Variants in DCDC1 observed in about 807,000 individuals in gnomAD.
DCDC1 encodes the protein doublecortin domain containing 1.
DCDC1 carries 200 observed loss-of-function variants against 178.3 expected under a neutral mutation model. That is an observed-to-expected ratio of 1.12 (90% CI 1.00 to 1.26). The LOEUF (loss-of-function observed/expected upper bound fraction) is 1.26. DCDC1 is among the 50% of genes most tolerant of loss of function. The probability of loss-of-function intolerance (pLI) is 0.00; values close to 1 mark genes in which losing one functional copy is unlikely to be tolerated. For synonymous variants in DCDC1, 690 were observed against 604.8 expected, an observed-to-expected ratio of 1.14 and a Z score of -2.07; for missense variants, 1,983 against 1,749.2, an observed-to-expected ratio of 1.13 and a Z score of -2.38.
chr11:30,884,440 A>G (rs978646124), intron 36 of DCDC1, among the ~76,000 whole-genome samples: 1 of 152,182 alleles, frequency 6.6e-6, no homozygotes, highest in African/African-American at 2.4e-5. Flanking sequence ...AGAATAAGAG[A>G]AACAGTTCCT....
intron 9 of DCDC1, among the ~76,000 whole-genome samples, chr11:31,235,619 A>G (rs1466571913): frequency 6.6e-6 from 1 of 152,022 alleles, no homozygotes; most frequent in Non-Finnish European, 1.5e-5. Context: ...ATTAATCAAG[A>G]AAAGTAAGGT....
At chr11:30,944,662 T>C (rs1947887170) in intron 21 of DCDC1, among the ~76,000 whole-genome samples, 1 of 152,152 alleles carries the variant, frequency 6.6e-6, no homozygotes, top group Non-Finnish European at 1.5e-5. Context: ...TAAATTTGAG[T>C]TTCCCTGCTT....
chr11:30,871,799 A>ATT (rs1941593900), intron 38 of DCDC1, among the ~76,000 whole-genome samples: 1 of 151,924 alleles, frequency 6.6e-6, no homozygotes, highest in South Asian at 2.1e-4. Flanking sequence ...TAACATTTCC[A>ATT]TTATTTCTAA....
intron 9 of DCDC1, among the ~76,000 whole-genome samples, chr11:31,189,270 C>T (rs540607764): frequency 6.6e-6 from 1 of 152,206 alleles, no homozygotes; most frequent in South Asian, 2.1e-4. Flanking sequence ...TCCAAAGGCA[C>T]ACGAAATCTA....
At chr11:31,175,646 C>T (rs951099329) in intron 9 of DCDC1, among the ~76,000 whole-genome samples, 1 of 152,218 alleles carries the variant, frequency 6.6e-6, no homozygotes, top group African/African-American at 2.4e-5. Flanking sequence ...CCATCACTTC[C>T]CCAGAGAGCC....
At chr11:30,948,620 G>A (rs1029144497) in intron 21 of DCDC1, among the ~76,000 whole-genome samples, 1 of 152,322 alleles carries the variant, frequency 6.6e-6, no homozygotes, top group East Asian at 1.9e-4. Context: ...CAAGGTTACA[G>A]TAACCAAAAC....
Position 31,077,857 on chromosome 11 carries a change from G to C in DCDC1, c.2298+8C>G. 1.3e-6 allele frequency: 1 copy of C among 766,026 alleles called. No homozygotes were observed. Among genetic ancestry groups the C allele is most frequent in the South Asian group, 1.3e-5 (1 of 74,580 alleles). 47.5% of individuals were successfully genotyped at this position (766,026 alleles called of 1,614,324 possible). On this transcript the variant is annotated splice_region_variant and intron_variant, in intron 18 of 38. Transcript: ENST00000684477. ...AGGCATAAAAGCTGTGGATTATAAA[G>C]TCCTTACCTTTGAATAAATGCAACC...
At chr11:30,962,487 G>A (rs376166988) in intron 20 of DCDC1, among the ~76,000 whole-genome samples, 1 of 151,856 alleles carries the variant, frequency 6.6e-6, no homozygotes, top group East Asian at 1.9e-4. Context: ...CAATAACACT[G>A]AAAAGAATAT....
chr11:31,105,962 A>T (rs763534244), intron 13 of DCDC1, among the ~76,000 whole-genome samples: 1 of 152,204 alleles, frequency 6.6e-6, no homozygotes, highest in South Asian at 2.1e-4. Context: ...AAGCTAAAAA[A>T]ATTAAAAATA....
At position 31,226,788 on chromosome 11, in the gene DCDC1, C is replaced by A. The variant is rs2616819; in HGVS notation, c.1221+14662G>T. On this transcript the variant is annotated intron_variant, in intron 9 of 38. Coordinates refer to ENST00000684477, the MANE Select transcript of DCDC1 (RefSeq NM_001387274.1). ...GCAAAAGGAAGACAACCTAAGAGGACGCTTGGATTTATTAAGGAATAAAGA... is the reference window on the plus strand; with the variant it reads ...GCAAAAGGAAGACAACCTAAGAGGAAGCTTGGATTTATTAAGGAATAAAGA... Among the ~76,000 whole-genome samples, 1,244 of 150,714 alleles carry A rather than the reference C, an allele frequency of 8.3e-3. 13 individuals are homozygous for A. Among genetic ancestry groups the A allele is most frequent in the African/African-American group, 0.029 (1,185 of 41,130 alleles).
intron 8 of DCDC1, chr11:31,263,200 G>A (rs1223788824): frequency 1.1e-5 from 9 of 847,608 alleles, no homozygotes; most frequent in Non-Finnish European, 1.4e-5. Context: ...CAAATCTGAT[G>A]TTTTAATTCC....
At chr11:31,162,072 C>T (rs565655041) in intron 9 of DCDC1, among the ~76,000 whole-genome samples, 86 of 152,152 alleles carry the variant, frequency 5.7e-4, no homozygotes, top group Non-Finnish European at 1.1e-3. Flanking sequence ...AATAGTTAAT[C>T]TCATGTTTTG....
At chr11:30,943,461 A>G (rs1947801197) in intron 21 of DCDC1, 1 of 313,708 alleles carries the variant, frequency 3.2e-6, no homozygotes, top group South Asian at 2.8e-5. Context: ...CCAAATGGAT[A>G]TATTTTAATT....
chr11:31,254,196 T>C (rs1944264128), intron 8 of DCDC1, among the ~76,000 whole-genome samples: 3 of 151,982 alleles, frequency 2.0e-5, no homozygotes, highest in Admixed American at 1.3e-4. Flanking sequence ...GAGCAGAAAA[T>C]AGCATAAAGA....
intron 2 of DCDC1, among the ~76,000 whole-genome samples, chr11:31,331,058 A>C (rs1280386177): frequency 6.6e-6 from 1 of 151,970 alleles, no homozygotes; most frequent in African/African-American, 2.4e-5. Context: ...GTCCTCTTTT[A>C]TTTCTTTGAA....
intron 20 of DCDC1, among the ~76,000 whole-genome samples, chr11:30,956,649 T>G (rs1297192169): frequency 1.3e-5 from 2 of 152,144 alleles, no homozygotes; most frequent in African/African-American, 4.8e-5. Flanking sequence ...TTCTTTTATT[T>G]CCATAATTAT....
At chr11:31,263,081 G>A (rs1207577331) in intron 8 of DCDC1, 1 of 1,612,256 alleles carries the variant, frequency 6.2e-7, no homozygotes, top group African/African-American at 1.3e-5. Flanking sequence ...TTCCTGTTTT[G>A]ATAAGTAATT....
intron 9 of DCDC1, among the ~76,000 whole-genome samples, chr11:31,171,348 A>G (rs1435870803): frequency 6.6e-6 from 1 of 152,208 alleles, no homozygotes; most frequent in Non-Finnish European, 1.5e-5. Flanking sequence ...ACATGAAAAA[A>G]AAAAATGTGG....
intron 9 of DCDC1, among the ~76,000 whole-genome samples, chr11:31,213,104 T>G (rs1442877652): frequency 1.2e-4 from 2 of 16,224 alleles, no homozygotes; most frequent in Non-Finnish European, 3.6e-4. Flanking sequence ...GCCCAGCCTC[T>G]CTCTCTCTCT....
Sources: allele counts gnomAD v4.1 joint callset (sites outside exome capture counted in the v4.1 genomes callset), GRCh38; gene constraint gnomAD v4.1.1; transcripts MANE v1.5; gene names NCBI Gene and HGNC (gene_info 2026-07-23, HGNC 2026-07-21).